The following NFIB variants were observed in gnomAD, a reference collection of about 807,000 sequenced individuals.
The protein encoded by NFIB is nuclear factor I B, also known as nuclear factor 1 B-type.
A neutral mutation model predicts 61.5 loss-of-function variants in NFIB; 11 were observed. That is an observed-to-expected ratio of 0.18 (90% confidence interval 0.11 to 0.30). NFIB has a LOEUF of 0.30. Among genes scored for constraint, NFIB ranks in the 10% least tolerant of loss-of-function variants. The pLI is 1.00. For missense variants in NFIB, 471 were observed against 608.9 expected, an observed-to-expected ratio of 0.77 and a Z score of 2.38; for synonymous variants, 260 against 216.5, an observed-to-expected ratio of 1.20 and a Z score of -1.76.
chr9:14,299,149 A>C (rs1221423107), intron 2 of NFIB, among the ~76,000 whole-genome samples: 3 of 152,256 alleles, frequency 2.0e-5, no homozygotes, highest in Non-Finnish European at 4.4e-5. Flanking sequence ...GAATTACAGA[A>C]TATACCCTAC....
At chr9:14,450,692 C>G in the NFIB span, among the ~76,000 whole-genome samples, 35 of 152,122 alleles carry the variant, frequency 2.3e-4, 1 homozygote, top group Admixed American at 1.4e-3. Context: ...CTTTGTCCTC[C>G]TGATTCCTGG....
At chr9:14,264,532 G>A (rs2057038696) in intron 2 of NFIB, among the ~76,000 whole-genome samples, 1 of 152,102 alleles carries the variant, frequency 6.6e-6, no homozygotes. Flanking sequence ...GGTTTCTTTA[G>A]GAAAGTAAAA....
chr9:14,509,903 C>G, the NFIB span, among the ~76,000 whole-genome samples: 1 of 152,146 alleles, frequency 6.6e-6, no homozygotes, highest in Non-Finnish European at 1.5e-5. Context: ...ATTTTAGTTT[C>G]GTTCAGTTTT....
chr9:14,176,627 G>A (rs914337846), intron 3 of NFIB, among the ~76,000 whole-genome samples: 3 of 152,008 alleles, frequency 2.0e-5, no homozygotes, highest in Admixed American at 6.6e-5. Flanking sequence ...TTTGCTGCTT[G>A]TGCTTAAATA....
At chr9:14,284,859 T>C (rs139105786) in intron 2 of NFIB, among the ~76,000 whole-genome samples, 37 of 152,324 alleles carry the variant, frequency 2.4e-4, no homozygotes, top group East Asian at 1.2e-3. Context: ...TCTTGAACAG[T>C]TGGATTCCTA....
chr9:14,456,084 T>C, the NFIB span, among the ~76,000 whole-genome samples: 3 of 152,172 alleles, frequency 2.0e-5, no homozygotes, highest in South Asian at 2.1e-4. Flanking sequence ...GATCAAAGCA[T>C]TGAATGTACT....
At chr9:14,276,380 T>C (rs1161442130) in intron 2 of NFIB, among the ~76,000 whole-genome samples, 2 of 152,198 alleles carry the variant, frequency 1.3e-5, no homozygotes, top group African/African-American at 2.4e-5. Context: ...TTTACAAGTA[T>C]GAGGTATAAC....
intron 1 of NFIB, among the ~76,000 whole-genome samples, chr9:14,354,055 G>C (rs1283281839): frequency 6.6e-6 from 1 of 152,066 alleles, no homozygotes; most frequent in East Asian, 1.9e-4. Context: ...TAAGATGTCT[G>C]TAAGGTGTTG....
At chr9:14,174,007 G>A (rs541664129) in intron 3 of NFIB, among the ~76,000 whole-genome samples, 6 of 152,206 alleles carry the variant, frequency 3.9e-5, no homozygotes, top group South Asian at 4.2e-4. Flanking sequence ...AGGGCTATGC[G>A]TTCTTCTGGC....
chr9:14,419,484 G>A, the NFIB span, among the ~76,000 whole-genome samples: 1 of 152,046 alleles, frequency 6.6e-6, no homozygotes, highest in African/African-American at 2.4e-5. Flanking sequence ...ACTTAGAAGC[G>A]TCCTGCGTCT....
At chr9:14,207,300 A>G (rs926105800) in intron 2 of NFIB, among the ~76,000 whole-genome samples, 1 of 152,238 alleles carries the variant, frequency 6.6e-6, no homozygotes. Flanking sequence ...GATACAGTCC[A>G]GGTAGAGGTT....
intron 6 of NFIB, among the ~76,000 whole-genome samples, chr9:14,144,966 T>C (rs2131091964): frequency 6.6e-6 from 1 of 152,248 alleles, no homozygotes; most frequent in Middle Eastern, 3.4e-3. Flanking sequence ...ATGAAAAGAT[T>C]CCCATTTTTT....
At chr9:14,135,802 G>C (rs1304807251) in intron 6 of NFIB, among the ~76,000 whole-genome samples, 2 of 152,032 alleles carry the variant, frequency 1.3e-5, no homozygotes, top group African/African-American at 4.8e-5. Flanking sequence ...TATGAAATCA[G>C]TTCCTTTTCA....
At chr9:14,317,692 G>C (rs143775929), upstream of NFIB, among the ~76,000 whole-genome samples, 40 of 152,272 alleles carry the variant, frequency 2.6e-4, no homozygotes, top group African/African-American at 9.1e-4. Context: ...ACTTCTTCTT[G>C]TCCAGCCAAT....
At chr9:14,297,484 C>T (rs1220867866) in intron 2 of NFIB, among the ~76,000 whole-genome samples, 2 of 152,108 alleles carry the variant, frequency 1.3e-5, no homozygotes, top group South Asian at 2.1e-4. Flanking sequence ...GTGAACATTC[C>T]TGGGGGAAAA....
chr9:14,398,617 T>C, exon 1 of NFIB: 1 of 1,531,280 alleles, frequency 6.5e-7, no homozygotes, highest in East Asian at 2.5e-5. Flanking sequence ...CCACAGACAC[T>C]GGGATTCTTT....
chr9:14,210,633 T>TA (rs2050210574), intron 2 of NFIB, among the ~76,000 whole-genome samples: 2 of 152,054 alleles, frequency 1.3e-5, no homozygotes, highest in Non-Finnish European at 2.9e-5. Context: ...TTCTGATGGT[T>TA]AAAACCACAA....
intron 2 of NFIB, among the ~76,000 whole-genome samples, chr9:14,222,657 T>C (rs1308963370): frequency 6.6e-6 from 1 of 151,714 alleles, no homozygotes; most frequent in South Asian, 2.1e-4. Flanking sequence ...TAGCCAGGCA[T>C]GGTGGCACAC....
rs1554715700 is a variant in NFIB at position 14,346,295 on chromosome 9, C to CCCCG, written c.109-38776_109-38775insCGGG. 2.1e-5 allele frequency among the ~76,000 whole-genome samples: 3 copies of CCCCG among 141,360 alleles called. 1 individual carries two copies. Among genetic ancestry groups the CCCCG allele is most frequent in the African/African-American group, 4.9e-5 (2 of 40,624 alleles). The allele number at this position is 141,360 out of a possible 152,430, so 92.7% of individuals were successfully genotyped here. ...AGTCACACGAGGTAACCGACACCCC[C>CCCCG]CCCCCGTAACCTGAGCTAAAGGTAA... On this transcript the variant is annotated intron_variant, in intron 1 of 8. Transcript: ENST00000380934.
Sources: allele counts gnomAD v4.1 joint callset (sites outside exome capture counted in the v4.1 genomes callset), GRCh38; gene constraint gnomAD v4.1.1; transcripts MANE v1.5; gene names NCBI Gene and HGNC (gene_info 2026-07-23, HGNC 2026-07-21).